GNAL: variants seen among roughly 807,000 people sequenced by gnomAD.
The protein encoded by GNAL is guanine nucleotide-binding protein G(olf) subunit alpha.
In GNAL, 18 loss-of-function variants were observed where a neutral mutation model predicts 55.1. The observed-to-expected ratio is 0.33, with a 90% CI of 0.23 to 0.48. GNAL has a LOEUF of 0.48. Among genes scored for constraint, GNAL ranks in the 20% least tolerant of loss-of-function variants. The pLI is 0.99. For synonymous variants in GNAL, 253 were observed against 237.0 expected, an observed-to-expected ratio of 1.07 and a Z score of -0.62; for missense variants, 412 against 614.1, an observed-to-expected ratio of 0.67 and a Z score of 3.48.
intron 4 of GNAL, among the ~76,000 whole-genome samples, chr18:11,798,981 C>T (rs768437016): frequency 4.0e-5 from 6 of 151,876 alleles, no homozygotes; most frequent in East Asian, 3.9e-4. Context: ...TGCACGGTGA[C>T]GCACGCCTGT....
intron 5 of GNAL, among the ~76,000 whole-genome samples, chr18:11,830,390 G>A (rs1457498318): frequency 1.3e-5 from 2 of 149,636 alleles, no homozygotes; most frequent in Non-Finnish European, 2.9e-5. Flanking sequence ...GGGTTCAAGC[G>A]ATTCTCCTGC....
chr18:11,775,977 G>A (rs540815346), intron 4 of GNAL, among the ~76,000 whole-genome samples: 17 of 152,334 alleles, frequency 1.1e-4, no homozygotes, highest in East Asian at 3.9e-4. Context: ...CTCACCTAGC[G>A]TTTAACTGTC....
rs933127236 is a variant in GNAL, at chr18:11,735,006, G to A, written c.377-17847G>A. ...GTGGGCACAGGGAAAACGCCAGGCCGACGTGAGGATTGGTGGGCATTTGAT... is the reference window on the plus strand; with the variant it reads ...GTGGGCACAGGGAAAACGCCAGGCCAACGTGAGGATTGGTGGGCATTTGAT... On this transcript the variant is annotated intron_variant, in intron 1 of 11. Coordinates refer to ENST00000334049, the MANE Select transcript of GNAL (RefSeq NM_182978.4). Among the ~76,000 whole-genome samples the A allele has an allele frequency of 1.5e-4, 22 of 148,786 alleles. No individual in the cohort carries two copies. In the East Asian group the frequency reaches 2.0e-3, roughly 13 times the overall value.
chr18:11,788,914 A>AAAAAAAAAAAAAAAAT (rs60071996), intron 4 of GNAL, among the ~76,000 whole-genome samples: 1 of 56,296 alleles, frequency 1.8e-5, no homozygotes, highest in African/African-American at 1.0e-4. Context: ...AAAAAAAAAA[A>AAAAAAAAAAAAAAAAT]ATATATATAT....
chr18:11,808,762 A>G (rs73946350), intron 4 of GNAL, among the ~76,000 whole-genome samples: 2,325 of 152,370 alleles, frequency 0.015, 56 homozygotes, highest in African/African-American at 0.053. Context: ...ATGTTCATCA[A>G]ATGACAGATG....
chr18:11,853,698 A>G (rs1190250487), intron 5 of GNAL: 4 of 167,046 alleles, frequency 2.4e-5, no homozygotes, highest in Non-Finnish European at 4.4e-5. Context: ...TTGACTGGAC[A>G]TTGTTCAGAA....
chr18:11,691,500 A>G (rs2143276810), intron 1 of GNAL, among the ~76,000 whole-genome samples: 1 of 149,008 alleles, frequency 6.7e-6, no homozygotes, highest in South Asian at 2.1e-4. Context: ...TTTTGTTGCC[A>G]TTGCTTTTGG....
chr18:11,878,982 G>A (rs1318033381), intron 11 of GNAL, among the ~76,000 whole-genome samples: 9 of 151,374 alleles, frequency 5.9e-5, no homozygotes, highest in Non-Finnish European at 1.0e-4. Context: ...GGGAGGGATA[G>A]CATTAGGAGA....
chr18:11,817,638 G>A (rs1194218467), intron 4 of GNAL, among the ~76,000 whole-genome samples: 1 of 152,134 alleles, frequency 6.6e-6, no homozygotes, highest in African/African-American at 2.4e-5. Context: ...TTCTTGCTCT[G>A]TCGCCCAGGC....
Position 11,689,857 on chromosome 18 carries a change from G to C in GNAL, c.294G>C (p.Ala98=). 1.3e-6 allele frequency: 2 copies of C among 1,522,342 alleles called. No homozygotes were observed. Among genetic ancestry groups the C allele is most frequent in the Non-Finnish European group, 1.8e-6 (2 of 1,138,004 alleles). 94.3% of individuals were successfully genotyped at this position (1,522,342 alleles called of 1,614,324 possible). A position where few individuals can be genotyped will look rare whatever the true frequency, so the allele number is the denominator to read the frequency against. Residue 98 remains alanine, a synonymous_variant, in exon 1 of 12, where the codon GCG becomes GCC. Transcript: ENST00000334049. ...AGGAGCGCGAGGCGGTCAAGGAGGC[G>C]AGGAAAGTGAGCCGGGGCATCGACC... ...AAKEREAVKE[A]RKVSRGIDRM...
At chr18:11,694,687 CAG>C (rs1432509318) in intron 1 of GNAL, among the ~76,000 whole-genome samples, 2 of 152,268 alleles carry the variant, frequency 1.3e-5, no homozygotes, top group East Asian at 3.9e-4. Flanking sequence ...GAGGAATTCT[CAG>C]ATAACTCCCA....
chr18:11,848,084 A>C (rs1281411790), intron 5 of GNAL, among the ~76,000 whole-genome samples: 1 of 152,206 alleles, frequency 6.6e-6, no homozygotes, highest in Non-Finnish European at 1.5e-5. Flanking sequence ...AGGAGTTGCC[A>C]ATCAGTCTTG....
At chr18:11,829,705 C>T (rs1174645450) in intron 5 of GNAL, among the ~76,000 whole-genome samples, 3 of 152,104 alleles carry the variant, frequency 2.0e-5, no homozygotes, top group Non-Finnish European at 4.4e-5. Flanking sequence ...GGTGGGTGTT[C>T]TTGTATAAAG....
intron 4 of GNAL, among the ~76,000 whole-genome samples, chr18:11,787,911 A>G (rs1644616333): frequency 1.3e-5 from 2 of 151,808 alleles, no homozygotes; most frequent in African/African-American, 4.8e-5. Context: ...TAATAGGATC[A>G]TGGGCAGCCG....
At position 11,748,030 on chromosome 18, in the gene GNAL, G is replaced by C. The variant is rs183459579; in HGVS notation, c.377-4823G>C. ...CACCAGCCCTGCTCCCACTGCTCCA[G>C]GTGGCCAGCTGGTACACCTGATGCT... On this transcript the variant is annotated intron_variant, in intron 1 of 11. Coordinates refer to ENST00000334049, the MANE Select transcript of GNAL (RefSeq NM_182978.4). 4.5e-3 allele frequency among the ~76,000 whole-genome samples: 688 copies of C among 152,346 alleles called. 4 individuals carry two copies. The highest frequency in any genetic ancestry group is 7.8e-3 in the Non-Finnish European group (532 of 68,028).
intron 5 of GNAL, among the ~76,000 whole-genome samples, chr18:11,859,355 T>G (rs1230931673): frequency 1.3e-5 from 2 of 152,194 alleles, no homozygotes; most frequent in Non-Finnish European, 2.9e-5. Flanking sequence ...TTCTCATGGA[T>G]TCCAAGGTCT....
At chr18:11,826,552 A>C (rs2035252088) in intron 5 of GNAL, among the ~76,000 whole-genome samples, 1 of 152,192 alleles carries the variant, frequency 6.6e-6, no homozygotes, top group African/African-American at 2.4e-5. Flanking sequence ...TGTGGTTGTC[A>C]GGGAAAGTAG....
At chr18:11,743,067 C>T (rs2032613356) in intron 1 of GNAL, among the ~76,000 whole-genome samples, 1 of 152,194 alleles carries the variant, frequency 6.6e-6, no homozygotes, top group African/African-American at 2.4e-5. Context: ...ACCATCTTCC[C>T]TTATGGTATA....
chr18:11,821,778 G>A (rs1376929324), intron 4 of GNAL, among the ~76,000 whole-genome samples: 1 of 152,174 alleles, frequency 6.6e-6, no homozygotes, highest in Non-Finnish European at 1.5e-5. Context: ...GGAGGGAGCC[G>A]GGAGGTCCTT....
Sources: gnomAD v4.1 joint callset for allele counts (sites outside exome capture counted in the v4.1 genomes callset) on GRCh38, gnomAD v4.1.1 for gene constraint, MANE v1.5 for transcripts, NCBI Gene and HGNC (gene_info 2026-07-23, HGNC 2026-07-21) for gene names.